Variants in HIVEP2 observed in about 807,000 individuals in gnomAD.
The protein encoded by HIVEP2 is transcription factor HIVEP2.
In HIVEP2, 14 loss-of-function variants were observed where a neutral mutation model predicts 180.7. The ratio of observed to expected loss-of-function variants is 0.08; its 90% CI spans 0.05 to 0.12. HIVEP2 has a LOEUF of 0.12. Among genes scored for constraint, HIVEP2 ranks in the 10% least tolerant of loss-of-function variants. The pLI is 1.00. For synonymous variants in HIVEP2, 1,184 were observed against 1,136.4 expected, an observed-to-expected ratio of 1.04 and a Z score of -0.84; for missense variants, 2,579 against 3,008.5, an observed-to-expected ratio of 0.86 and a Z score of 3.34.
At chr6:142,815,223 G>A (rs188117344) in intron 2 of HIVEP2, among the ~76,000 whole-genome samples, 16 of 152,182 alleles carry the variant, frequency 1.1e-4, no homozygotes, top group Admixed American at 2.6e-4. Context: ...TTGCTCTTTG[G>A]GGGGGACACA....
In HIVEP2 at chr6:142,797,833, T is replaced by TGTA. The variant is rs1385117342; in HGVS notation, c.-527-14219_-527-14218insTAC. Among the ~76,000 whole-genome samples, 175 of 152,212 alleles carry TGTA rather than the reference T, an allele frequency of 1.1e-3. 1 individual carries two copies. The highest frequency in any genetic ancestry group is 4.1e-3 in the African/African-American group (171 of 41,548). ...AGAAGAAATCATAGTATACATAGGA[T>TGTA]TCAGTACCCTCTATGGTTTCAGGCA... On this transcript the variant is annotated intron_variant, in intron 2 of 9. Coordinates refer to ENST00000367603, the MANE Select transcript of HIVEP2 (RefSeq NM_006734.4).
At chr6:142,768,343 T>C in intron 6 of HIVEP2, 39 bp downstream of exon 6, 2 of 1,589,490 alleles carry the variant, frequency 1.3e-6, no homozygotes, top group Non-Finnish European at 1.7e-6. Flanking sequence ...TACTCTGACC[T>C]ATAACTGCAC....
At chr6:142,817,707 G>A (rs576715615) in intron 2 of HIVEP2, among the ~76,000 whole-genome samples, 3 of 152,300 alleles carry the variant, frequency 2.0e-5, no homozygotes, top group South Asian at 4.1e-4. Flanking sequence ...AAAATGATGC[G>A]CAAGAAAGTG....
At chr6:142,844,741 A>C (rs544998091) in intron 1 of HIVEP2, among the ~76,000 whole-genome samples, 10 of 152,308 alleles carry the variant, frequency 6.6e-5, no homozygotes, top group African/African-American at 2.4e-4. Context: ...AGGATGTACC[A>C]ACAGAGTCAC....
At position 142,751,519 on chromosome 6, in the gene HIVEP2, T is replaced by C. The variant is rs1562491470; in HGVS notation, c.*1588A>G. On this transcript the variant is annotated 3_prime_UTR_variant, in exon 10 of 10. Transcript: ENST00000367603. ...TCTTTTTAAAGAACACTCCTTAATG[T>C]AATTCAATATACAAACTTGGTTTCA... The C allele has an allele frequency of 6.5e-6, 1 of 152,706 alleles. No individual in the cohort carries two copies. Among genetic ancestry groups the C allele is most frequent in the Non-Finnish European group, 1.5e-5 (1 of 68,044 alleles). The allele number at this position is 152,706 out of a possible 1,614,324, so 9.5% of individuals were successfully genotyped here. A position where few individuals can be genotyped will look rare whatever the true frequency, so the allele number is the denominator to read the frequency against.
At position 142,774,937 on chromosome 6, in the gene HIVEP2, A is replaced by G; in HGVS notation, c.-199T>C. On this transcript the variant is annotated 5_prime_UTR_variant, in exon 5 of 10. Transcript: ENST00000367603. This position sits in a 1 kb window ranked among gnomAD's most constrained non-coding sequence, Gnocchi z 5.1. ...CATTAGCTAGTAATGTCCTTGGACC[A>G]GGGCTATAACACAGTTCTCTCCATT... The G allele has an allele frequency of 1.4e-6, 2 of 1,431,880 alleles. No homozygotes were observed. Among genetic ancestry groups the G allele is most frequent in the East Asian group, 2.5e-5 (1 of 40,170 alleles). 88.7% of individuals were successfully genotyped at this position (1,431,880 alleles called of 1,614,324 possible).
At chr6:142,871,247 T>C (rs1776283265) in intron 1 of HIVEP2, among the ~76,000 whole-genome samples, 2 of 152,194 alleles carry the variant, frequency 1.3e-5, no homozygotes, top group African/African-American at 4.8e-5. Context: ...GGTTACAGAA[T>C]GCTTCCATTA....
chr6:142,836,769 A>G (rs1202652456), intron 2 of HIVEP2, among the ~76,000 whole-genome samples, 166 bp downstream of exon 2: 1 of 152,188 alleles, frequency 6.6e-6, no homozygotes, highest in African/African-American at 2.4e-5. Flanking sequence ...GCAATAAAGT[A>G]TGAATATTTT....
intron 4 of HIVEP2, among the ~76,000 whole-genome samples, chr6:142,775,518 T>C (rs763005256): frequency 6.6e-6 from 1 of 152,094 alleles, no homozygotes; most frequent in Non-Finnish European, 1.5e-5. Flanking sequence ...TATCTCTATA[T>C]AGAGATATGT....
At position 142,770,249 on chromosome 6, in the gene HIVEP2, C is replaced by A. The variant is rs757655292; in HGVS notation, c.4490G>T (p.Arg1497Leu). ...TTTTGGCTCAGAAGCACATCCTTGT[C>A]GAACCAGCTGGGGTTTCTGGGGGCG... The part of the protein sequence containing the change: ...LSRPQKPQLV[R>L]QGCASEPKDG... The change falls in exon 5 of 10, where the codon CGA becomes CTA. Residue 1497 changes from arginine (R) to leucine (L), a missense_variant. By Grantham distance (102) the Arg-to-Leu change is moderately radical (BLOSUM62 -2). Coordinates refer to ENST00000367603, the MANE Select transcript of HIVEP2 (RefSeq NM_006734.4). The surrounding 1 kb of genome is among the most constrained non-coding windows in gnomAD (Gnocchi z 4.7). 1.9e-6 allele frequency: 3 copies of A among 1,614,194 alleles called. No homozygotes were observed. The highest frequency in any genetic ancestry group is 1.1e-5 in the South Asian group (1 of 91,088).
At position 142,800,300 on chromosome 6, in the gene HIVEP2, C is replaced by T. The variant is rs114107366; in HGVS notation, c.-527-16685G>A. Among the ~76,000 whole-genome samples, 216 of 152,256 alleles carry T rather than the reference C, an allele frequency of 1.4e-3. 2 individuals carry two copies. The highest frequency in any genetic ancestry group is 4.4e-3 in the African/African-American group (184 of 41,564). Reference sequence around the variant, plus strand: ...ATGGTATCATATTAGTCATTATTAACACTTACTAAGCACCTCTGCCTCTAG... The same window carrying T: ...ATGGTATCATATTAGTCATTATTAATACTTACTAAGCACCTCTGCCTCTAG... On this transcript the variant is annotated intron_variant, in intron 2 of 9. Transcript: ENST00000367603.
At chr6:142,827,642 T>C (rs1160821306) in intron 2 of HIVEP2, among the ~76,000 whole-genome samples, 1 of 152,142 alleles carries the variant, frequency 6.6e-6, no homozygotes, top group Non-Finnish European at 1.5e-5. Flanking sequence ...GTGTGGCAAG[T>C]GTGCTCACCA....
At chr6:142,776,806 T>C (rs1036503495) in intron 3 of HIVEP2, among the ~76,000 whole-genome samples, 1 of 152,200 alleles carries the variant, frequency 6.6e-6, no homozygotes, top group Non-Finnish European at 1.5e-5. Flanking sequence ...GCGTTAGGAT[T>C]ATAGGTGTGA....
intron 1 of HIVEP2, among the ~76,000 whole-genome samples, chr6:142,862,889 G>A (rs1412324977): frequency 1.0e-5 from 1 of 97,196 alleles, no homozygotes; most frequent in African/African-American, 4.6e-5. Context: ...TGTATATATT[G>A]CATATAATAG....
At chr6:142,804,882 G>C (rs532739707) in intron 2 of HIVEP2, among the ~76,000 whole-genome samples, 1 of 152,222 alleles carries the variant, frequency 6.6e-6, no homozygotes, top group South Asian at 2.1e-4. Flanking sequence ...AAAAGTGCTA[G>C]ATAATTATTG....
chr6:142,823,287 T>C (rs1777090320), intron 2 of HIVEP2, among the ~76,000 whole-genome samples: 1 of 152,120 alleles, frequency 6.6e-6, no homozygotes, highest in Non-Finnish European at 1.5e-5. Flanking sequence ...ATAAATTCAC[T>C]GAAAAATCCA....
intron 1 of HIVEP2, among the ~76,000 whole-genome samples, chr6:142,906,218 A>G (rs1777261970): frequency 2.6e-5 from 4 of 152,226 alleles, no homozygotes; most frequent in Admixed American, 2.0e-4. Flanking sequence ...GGCATTCATG[A>G]AAAACTAACC....
In HIVEP2 at chr6:142,759,832, A is replaced by T; in HGVS notation, c.6456T>A (p.His2152Gln). 6.2e-7 allele frequency: 1 copy of T among 1,613,652 alleles called. No individual in the cohort carries two copies. The highest frequency in any genetic ancestry group is 8.5e-7 in the Non-Finnish European group (1 of 1,179,600). The stretch of plus-strand genomic sequence containing the variant: ...ACTGTCCCATGGACAATGGTGGGTT[A>T]TGGTATAAAGCCCTTCTGGGAGATG... ...RAPSPRRALY[H>Q]NPPLSMGQYL... The change falls in exon 9 of 10, where the codon CAT becomes CAA. Residue 2152 changes from histidine to glutamine, a missense_variant. This residue lies in a region of HIVEP2 where 660 missense variants were observed against 731.7 expected (regional missense o/e 0.90). Transcript: ENST00000367603.
chr6:142,811,336 A>C (rs1042814982), intron 2 of HIVEP2, among the ~76,000 whole-genome samples: 2 of 152,228 alleles, frequency 1.3e-5, no homozygotes, highest in Non-Finnish European at 2.9e-5. Flanking sequence ...CTGCAGATGC[A>C]GAGGGATTAG....
Sources: gnomAD v4.1 joint callset for allele counts (sites outside exome capture counted in the v4.1 genomes callset) on GRCh38, gnomAD v4.1.1 for gene constraint, gnomAD v4.1.1 regional missense constraint, Gnocchi (gnomAD v3.1) non-coding constraint, MANE v1.5 for transcripts, NCBI Gene and HGNC (gene_info 2026-07-23, HGNC 2026-07-21) for gene names.